The following C4BPA variants were observed in gnomAD, a reference collection of about 807,000 sequenced individuals.
The protein encoded by C4BPA is C4b-binding protein alpha chain.
A neutral mutation model predicts 63.7 loss-of-function variants in C4BPA; 31 were observed. That is an observed-to-expected ratio of 0.49 (90% CI 0.37 to 0.66). C4BPA has a LOEUF of 0.66. Among genes scored for constraint, C4BPA ranks in the 30% least tolerant of loss-of-function variants. The pLI, the probability that C4BPA is intolerant of heterozygous loss-of-function variation, is 0.00. For synonymous variants in C4BPA, 259 were observed against 254.7 expected (o/e 1.02, Z -0.16); for missense variants, 572 against 723.3 (o/e 0.79, Z 2.40).
In C4BPA at chr1:207,143,869, A is replaced by G. The variant is rs768487094; in HGVS notation, c.1496A>G (p.Asp499Gly). 1 of 1,613,568 alleles carries G rather than the reference A, an allele frequency of 6.2e-7. No homozygotes were observed. Among genetic ancestry groups the G allele is most frequent in the Non-Finnish European group, 8.5e-7 (1 of 1,179,628 alleles). The change falls in exon 11 of 12, where the codon GAT becomes GGT. Residue 499 changes from aspartate (D) to glycine (G), a missense_variant. Physicochemically the swap from Asp to Gly is moderately conservative, Grantham distance 94 (BLOSUM62 -1). Around this residue, in one of 2 missense-constraint regions of C4BPA, gnomAD observed 465 missense variants for 629.4 expected, o/e 0.74. Transcript: ENST00000367070. Reference protein sequence around the residue: ...LVNGRLSVDKDQYVEPENVTI... With the variant: ...LVNGRLSVDKGQYVEPENVTI... Reference sequence around the variant, plus strand: ...AATGGAAGGTTGTCTGTGGATAAGGATCAGTATGTTGAGCCTGAAAATGTC... The same window carrying G: ...AATGGAAGGTTGTCTGTGGATAAGGGTCAGTATGTTGAGCCTGAAAATGTC...
In C4BPA at chr1:207,144,608, C is replaced by T. The variant is rs1449628129; in HGVS notation, c.1685C>T (p.Pro562Leu). The T allele has an allele frequency of 1.2e-6, 2 of 1,613,446 alleles. No individual in the cohort carries two copies. Among genetic ancestry groups the T allele is most frequent in the East Asian group, 4.5e-5 (2 of 44,806 alleles). Residue 562 changes from proline (P) to leucine (L), a missense_variant, in exon 12 of 12, where the codon CCA (proline) becomes CTA (leucine). Physicochemically the swap from Pro to Leu is moderately conservative, Grantham distance 98. Coordinates refer to ENST00000367070, the MANE Select transcript of C4BPA (RefSeq NM_000715.4). The part of the protein sequence containing the change: ...GKRLMQCLPN[P>L]EDVKMALEVY... ...AGACTCATGCAGTGTCTCCCAAACC[C>T]AGAGGATGTGAAAATGGCCCTGGAG...
intron 8 of C4BPA, among the ~76,000 whole-genome samples, chr1:207,133,281 C>T (rs1272118327): frequency 6.6e-6 from 1 of 152,140 alleles, no homozygotes; most frequent in African/African-American, 2.4e-5. Flanking sequence ...CAAATGAGCA[C>T]TGGAAGTGTT....
intron 9 of C4BPA, among the ~76,000 whole-genome samples, chr1:207,135,072 C>T (rs909181631): frequency 3.3e-5 from 5 of 152,038 alleles, no homozygotes; most frequent in African/African-American, 7.2e-5. Flanking sequence ...CATGGTGGCT[C>T]ACACCTGTAA....
At chr1:207,111,697 C>T (rs1305312370) in intron 1 of C4BPA, among the ~76,000 whole-genome samples, 1 of 121,486 alleles carries the variant, frequency 8.2e-6, no homozygotes, top group Admixed American at 7.9e-5. Flanking sequence ...ATATACATTA[C>T]ATTACAGTCC....
At chr1:207,106,291 C>T (rs1052652989) in intron 1 of C4BPA, among the ~76,000 whole-genome samples, 13 of 152,164 alleles carry the variant, frequency 8.5e-5, no homozygotes, top group Non-Finnish European at 2.9e-5. Context: ...TGTATTATCT[C>T]TCTTCAAAAC....
chr1:207,132,290 G>A (rs1685176451), intron 8 of C4BPA, among the ~76,000 whole-genome samples: 1 of 152,186 alleles, frequency 6.6e-6, no homozygotes, highest in South Asian at 2.1e-4. Flanking sequence ...CAGTTTCTCT[G>A]GTAGGAGACG....
chr1:207,120,106 T>C (rs538018815), intron 4 of C4BPA, among the ~76,000 whole-genome samples: 1 of 152,232 alleles, frequency 6.6e-6, no homozygotes, highest in South Asian at 2.1e-4. Context: ...GCAGAAGCAA[T>C]CTAATTTTTC....
chr1:207,110,578 C>T (rs1684648550), intron 1 of C4BPA, among the ~76,000 whole-genome samples: 1 of 152,062 alleles, frequency 6.6e-6, no homozygotes, highest in African/African-American at 2.4e-5. Context: ...TTGCTTGAGG[C>T]CAGGAGTTTG....
intron 9 of C4BPA, among the ~76,000 whole-genome samples, chr1:207,139,224 A>G (rs1685357802): frequency 6.6e-6 from 1 of 152,236 alleles, no homozygotes; most frequent in Admixed American, 6.5e-5. Flanking sequence ...CAAAGATACC[A>G]CATCTGGTGC....
rs180747641 is a variant in C4BPA at position 207,106,591 on chromosome 1, G to A, written c.-26+2161G>A. ...CGAGTAGCTGGGACTACAGGCGCCCGCCACCACGCCCAGCTAATTTTTTGT... is the reference window on the plus strand; with the variant it reads ...CGAGTAGCTGGGACTACAGGCGCCCACCACCACGCCCAGCTAATTTTTTGT... On this transcript the variant is annotated intron_variant, in intron 1 of 11. Coordinates refer to ENST00000367070, the MANE Select transcript of C4BPA (RefSeq NM_000715.4). Among the ~76,000 whole-genome samples the A allele has an allele frequency of 6.5e-3, 984 of 151,978 alleles. 38 individuals are homozygous for A. The highest frequency in any genetic ancestry group is 0.057 in the Admixed American group (870 of 15,262).
At chr1:207,142,476 A>G (rs1057231234) in intron 10 of C4BPA, among the ~76,000 whole-genome samples, 12 of 152,144 alleles carry the variant, frequency 7.9e-5, no homozygotes, top group African/African-American at 2.9e-4. Context: ...CTAGTTCTAG[A>G]TCCTTGAGAA....
intron 10 of C4BPA, among the ~76,000 whole-genome samples, chr1:207,142,592 CT>C: frequency 6.6e-6 from 1 of 152,060 alleles, no homozygotes; most frequent in South Asian, 2.1e-4. Context: ...TGTTTCCTGA[CT>C]TTTTAATGAT....
At chr1:207,122,225 GA>G (rs1485634113) in intron 4 of C4BPA, among the ~76,000 whole-genome samples, 2 of 152,150 alleles carry the variant, frequency 1.3e-5, no homozygotes, top group African/African-American at 4.8e-5. Flanking sequence ...AGTCCCAAGT[GA>G]AAATTATTCT....
Position 207,138,413 on chromosome 1 carries a change from C to T in C4BPA, c.1274-2693C>T, listed in dbSNP as rs1685340677. 1.3e-5 allele frequency among the ~76,000 whole-genome samples: 2 copies of T among 152,178 alleles called. 1 individual carries two copies. Among genetic ancestry groups the T allele is most frequent in the Admixed American group, 1.3e-4 (2 of 15,282 alleles). ...TTCTGGCTGCATGATCACTTGATGA[C>T]CCAATGTTGGGAGCTTTCTCTATCA... On this transcript the variant is annotated intron_variant, in intron 9 of 11. Transcript: ENST00000367070.
chr1:207,131,294 T>TA (rs1223608465), intron 7 of C4BPA, among the ~76,000 whole-genome samples: 7 of 152,202 alleles, frequency 4.6e-5, no homozygotes, highest in Admixed American at 4.6e-4. Flanking sequence ...GAATGAGAAT[T>TA]AAAATTATTA....
chr1:207,113,494 C>T (rs1227234578), intron 2 of C4BPA, among the ~76,000 whole-genome samples: 1 of 151,972 alleles, frequency 6.6e-6, no homozygotes, highest in Admixed American at 6.6e-5. Context: ...TCAGGGGGTG[C>T]TTAAAAAGTA....
chr1:207,109,026 G>A lies in C4BPA; in HGVS notation c.-25-3975G>A, dbSNP rs115289976. ...GTGAGCTACCGCGTCTGACCTGTGGGTGATTCAGGTATGATGATTAAAGTT... is the reference window on the plus strand; with the variant it reads ...GTGAGCTACCGCGTCTGACCTGTGGATGATTCAGGTATGATGATTAAAGTT... On this transcript the variant is annotated intron_variant, in intron 1 of 11. Coordinates refer to ENST00000367070, the MANE Select transcript of C4BPA (RefSeq NM_000715.4). Among the ~76,000 whole-genome samples, 786 of 152,240 alleles carry A rather than the reference G, an allele frequency of 5.2e-3. 7 individuals are homozygous for A. The highest frequency in any genetic ancestry group is 0.018 in the African/African-American group (743 of 41,550).
intron 8 of C4BPA, 101 bp from the exon 9 acceptor site, chr1:207,134,303 T>G (rs1685231606): frequency 1.2e-6 from 1 of 846,020 alleles, no homozygotes; most frequent in Admixed American, 2.2e-5. Flanking sequence ...CCAATCTCTC[T>G]TCAGTGGTGA....
chr1:207,134,417 T>G lies in C4BPA; in HGVS notation c.1098T>G (p.Pro366=), dbSNP rs1273852434. ...TTTATTTTTCAGCGTTATGTTGCCC[T>G]GAACCAAAGCTAAATAATGGTGAAA... ...PYQGCEALCC[P]EPKLNNGEIT... Residue 366 remains proline, a synonymous_variant, in exon 9 of 12, where the codon CCT becomes CCG. Coordinates refer to ENST00000367070, the MANE Select transcript of C4BPA (RefSeq NM_000715.4). The G allele has an allele frequency of 6.2e-7, 1 of 1,613,022 alleles. No homozygotes were observed. The highest frequency in any genetic ancestry group is 8.5e-7 in the Non-Finnish European group (1 of 1,179,410).
Sources: allele counts gnomAD v4.1 joint callset (sites outside exome capture counted in the v4.1 genomes callset), GRCh38; gene constraint gnomAD v4.1.1; regional missense constraint gnomAD v4.1.1; transcripts MANE v1.5; gene names NCBI Gene and HGNC (gene_info 2026-07-23, HGNC 2026-07-21).